Variants in GTF3C1 observed in about 807,000 individuals in gnomAD.
GTF3C1 encodes general transcription factor 3C polypeptide 1.
In GTF3C1, 57 loss-of-function variants were observed where a neutral mutation model predicts 226.7. The observed-to-expected ratio is 0.25, with a 90% CI of 0.20 to 0.31. The LOEUF (loss-of-function observed/expected upper bound fraction) is 0.31, where lower values mean the gene tolerates loss of function less well. Ranked by LOEUF, GTF3C1 falls within the 10% of genes least tolerant of loss-of-function variation. GTF3C1 has a pLI of 1.00. For synonymous variants in GTF3C1, 1,090 were observed against 1,084.8 expected, an observed-to-expected ratio of 1.00 and a Z score of -0.09; for missense variants, 2,217 against 2,776.1, an observed-to-expected ratio of 0.80 and a Z score of 4.53.
In GTF3C1 at chr16:27,541,653, C is replaced by A. The variant is rs544160118; in HGVS notation, c.432-3297G>T. On this transcript the variant is annotated intron_variant, in intron 2 of 36. Coordinates refer to ENST00000356183, the MANE Select transcript of GTF3C1 (RefSeq NM_001520.4). ...TCAGGTTGAAGTCTGAATGATGTGG[C>A]GACGTGAAGATTTGTGGACAGAATA... is the stretch of plus-strand genomic sequence containing the variant. Among the ~76,000 whole-genome samples, 6 of 152,198 alleles carry A rather than the reference C, an allele frequency of 3.9e-5. No homozygotes were observed. In the East Asian group the frequency reaches 9.6e-4, roughly 24 times the overall value.
At chr16:27,465,011 C>T (rs118005982) in intron 33 of GTF3C1, among the ~76,000 whole-genome samples, 175 bp from the exon 34 acceptor site, 3,621 of 152,314 alleles carry the variant, frequency 0.024, 74 homozygotes, top group Middle Eastern at 0.071. Context: ...AGCCCTGTGC[C>T]CTGGAGCAGC....
rs144211304 is a variant in GTF3C1, at chr16:27,475,299, G to A, written c.4353+1152C>T. Reference sequence around the variant, plus strand: ...AAGATCTCTCTGTGGACTGTGAGGCGCCCTAATGATCGGGTCCTCACCCAT... The same window carrying A: ...AAGATCTCTCTGTGGACTGTGAGGCACCCTAATGATCGGGTCCTCACCCAT... On this transcript the variant is annotated intron_variant, in intron 29 of 36. Coordinates refer to ENST00000356183, the MANE Select transcript of GTF3C1 (RefSeq NM_001520.4). Among the ~76,000 whole-genome samples the A allele has an allele frequency of 1.2e-4, 19 of 152,322 alleles. No homozygotes were observed. The East Asian group carries it at 2.5e-3, about 20-fold the overall frequency.
intron 7 of GTF3C1, 148 bp downstream of exon 7, chr16:27,511,601 T>A: frequency 1.3e-6 from 1 of 744,510 alleles, no homozygotes. Context: ...CAATCTGACC[T>A]TGAAGCCTAA....
At chr16:27,481,327 T>G (rs1197186174) in intron 26 of GTF3C1, 136 bp from the exon 27 acceptor site, 16 of 691,656 alleles carry the variant, frequency 2.3e-5, no homozygotes, top group East Asian at 1.9e-4. Flanking sequence ...GTGCCTCCCC[T>G]GGTCACCTGT....
rs1311147010 is a variant in GTF3C1 at position 27,549,670 on chromosome 16, C to G, written c.221G>C (p.Arg74Pro). 6.5e-7 allele frequency: 1 copy of G among 1,536,632 alleles called. No individual in the cohort carries two copies. Among genetic ancestry groups the G allele is most frequent in the South Asian group, 1.2e-5 (1 of 84,940 alleles). The change falls in exon 1 of 37, where the codon CGG (arginine) becomes CCG (proline). Residue 74 changes from arginine to proline, a missense_variant and splice_region_variant. By Grantham distance (103) the Arg-to-Pro change is moderately radical. Around this residue, in one of 12 missense-constraint regions of GTF3C1, gnomAD observed 192 missense variants for 251.8 expected, o/e 0.76. Transcript: ENST00000356183. ...RERPDLQLQD[R>P]YEEIDLETGI... ...CCGCCAGGCCAGGCCGCCCGCTGAC[C>G]GGTCCTGGAGCTGTAGGTCGGGTCG...
intron 16 of GTF3C1, among the ~76,000 whole-genome samples, chr16:27,494,398 CTCA>C (rs2088280756): frequency 7.1e-6 from 1 of 141,220 alleles, no homozygotes. Flanking sequence ...AAGACTCTGT[CTCA>C]TAAAAAAAAA....
At chr16:27,529,847 G>A (rs908591604) in intron 5 of GTF3C1, among the ~76,000 whole-genome samples, 3 of 152,216 alleles carry the variant, frequency 2.0e-5, no homozygotes, top group African/African-American at 7.2e-5. Flanking sequence ...CTCCAACAAT[G>A]AAACTGAACG....
chr16:27,533,024 C>T lies in GTF3C1; in HGVS notation c.849+267G>A, dbSNP rs535707167. On this transcript the variant is annotated intron_variant, in intron 5 of 36. Transcript: ENST00000356183. The stretch of plus-strand genomic sequence containing the variant: ...GCGGGCACCTGTAATCCCAGCTACT[C>T]GGGAGGCTGAGGCAGGAGAATCGCT... Among the ~76,000 whole-genome samples, 116 of 152,036 alleles carry T rather than the reference C, an allele frequency of 7.6e-4. 3 individuals carry two copies. The highest frequency in any genetic ancestry group is 7.3e-3 in the Admixed American group (111 of 15,252).
chr16:27,549,642 CGCCCGCCAG>C lies in GTF3C1; in HGVS notation c.221+19_221+27del. On this transcript the variant is annotated intron_variant, in intron 1 of 36. Transcript: ENST00000356183. Reference sequence around the variant, plus strand: ...CCCCCGGGCCCTGCGCCCGCCCGCCCGCCCGCCAGGCCAGGCCGCCCGCTGACCGGTCCT... The same window carrying C: ...CCCCCGGGCCCTGCGCCCGCCCGCCCGCCAGGCCGCCCGCTGACCGGTCCT... 4.8e-6 allele frequency: 5 copies of C among 1,036,300 alleles called. No homozygotes were observed. Among genetic ancestry groups the C allele is most frequent in the Non-Finnish European group, 7.2e-6 (5 of 697,954 alleles). The allele number at this position is 1,036,300 out of a possible 1,614,324, so 64.2% of individuals were successfully genotyped here. A position where few individuals can be genotyped will look rare whatever the true frequency, so the allele number is the denominator to read the frequency against.
chr16:27,541,704 A>G (rs1022807098), intron 2 of GTF3C1, among the ~76,000 whole-genome samples: 6 of 152,184 alleles, frequency 3.9e-5, no homozygotes, highest in Non-Finnish European at 8.8e-5. Flanking sequence ...CAGCACGAGG[A>G]TTGCCTTGAG....
chr16:27,473,640 C>T (rs1197239069), intron 29 of GTF3C1, among the ~76,000 whole-genome samples: 1 of 152,254 alleles, frequency 6.6e-6, no homozygotes, highest in African/African-American at 2.4e-5. Flanking sequence ...ACCTTCCTTC[C>T]AGTGGAGGGA....
rs753420188 is a variant in GTF3C1 at position 27,545,325 on chromosome 16, T to G, written c.420A>C (p.Glu140Asp). ...KSLQPRCTMV[E>D]AFDRWGKKLI... ...TGCAAAATAGTTACCTGTCAAAGGC[T>G]TCCACCATTGTACAGCGAGGCTGCA... Residue 140 changes from glutamate (E) to aspartate (D), a missense_variant, in exon 2 of 37, where the codon GAA (glutamate) becomes GAC (aspartate). Transcript: ENST00000356183. 5.0e-6 allele frequency: 8 copies of G among 1,612,066 alleles called. No homozygotes were observed. The East Asian group carries it at 8.9e-5, about 18-fold the overall frequency.
chr16:27,503,786 T>C lies in GTF3C1; in HGVS notation c.1771-791A>G, dbSNP rs556352210. ...CTCTAATACACATCTTGTGAATCAC[T>C]GGACCCAAGTCAATGCCTTATGGTA... On this transcript the variant is annotated intron_variant, in intron 10 of 36. Coordinates refer to ENST00000356183, the MANE Select transcript of GTF3C1 (RefSeq NM_001520.4). 2.6e-5 allele frequency among the ~76,000 whole-genome samples: 4 copies of C among 152,362 alleles called. No individual in the cohort carries two copies. The South Asian group carries it at 8.3e-4, about 32-fold the overall frequency.
Position 27,525,022 on chromosome 16 carries a change from C to T in GTF3C1, c.973+3576G>A, listed in dbSNP as rs777691368. The stretch of plus-strand genomic sequence containing the variant: ...TACAAAAATTAGCTGGGTGTGGTGG[C>T]GCACGCCTGTAATCTCTACTTGGGA... On this transcript the variant is annotated intron_variant, in intron 6 of 36. Coordinates refer to ENST00000356183, the MANE Select transcript of GTF3C1 (RefSeq NM_001520.4). 9.9e-5 allele frequency among the ~76,000 whole-genome samples: 15 copies of T among 151,972 alleles called. No homozygotes were observed. In the East Asian group the frequency reaches 1.5e-3, roughly 16 times the overall value.
At chr16:27,495,909 G>A (rs749088612) in intron 14 of GTF3C1, among the ~76,000 whole-genome samples, 12 of 152,194 alleles carry the variant, frequency 7.9e-5, no homozygotes, top group East Asian at 3.8e-4. Flanking sequence ...GAAGCAGAGT[G>A]CAGCACCTGC....
chr16:27,492,481 A>G lies in GTF3C1; in HGVS notation c.3008T>C (p.Val1003Ala), dbSNP rs541463517. ...FIFLKKNAVIVDTTICDPHYN... is the reference protein window; with the variant it reads ...FIFLKKNAVIADTTICDPHYN... ...ATGTGGGTCGCAGATGGTAGTGTCA[A>G]CAATGACTGCATTCTTCTTCAAGAA... The change falls in exon 19 of 37, where the codon GTT becomes GCT. Residue 1003 changes from valine to alanine, a missense_variant. By Grantham distance (64) the Val-to-Ala change is moderately conservative. Transcript: ENST00000356183. The surrounding 1 kb of genome is among the most constrained non-coding windows in gnomAD (Gnocchi z 5.0). 6.2e-7 allele frequency: 1 copy of G among 1,613,824 alleles called. No homozygotes were observed. Among genetic ancestry groups the G allele is most frequent in the African/African-American group, 1.3e-5 (1 of 75,052 alleles).
intron 1 of GTF3C1, 45 bp from the exon 2 acceptor site, chr16:27,545,568 T>C: frequency 9.0e-7 from 1 of 1,109,164 alleles, no homozygotes; most frequent in Non-Finnish European, 1.4e-6. Flanking sequence ...CAGCTTCAGA[T>C]ATAATGTGTG....
At chr16:27,472,572 A>G (rs1012414166) in intron 29 of GTF3C1, among the ~76,000 whole-genome samples, 6 of 152,216 alleles carry the variant, frequency 3.9e-5, no homozygotes, top group Admixed American at 6.5e-5. Context: ...AAGGAGCCTG[A>G]TAAGTGGGAC....
rs750920671 is a variant in GTF3C1 at position 27,492,465 on chromosome 16, G to A, written c.3024C>T (p.Cys1008=). 1.4e-5 allele frequency: 23 copies of A among 1,612,868 alleles called. No individual in the cohort carries two copies. The highest frequency in any genetic ancestry group is 2.2e-5 in the East Asian group (1 of 44,898). ...KNAVIVDTTI[C]DPHYNLARSS... ...TGCGGGCCAGGTTGTAATGTGGGTC[G>A]CAGATGGTAGTGTCAACAATGACTG... is the stretch of plus-strand genomic sequence containing the variant. The change falls in exon 19 of 37, where the codon TGC becomes TGT. Residue 1008 remains cysteine (C), a synonymous_variant. Coordinates refer to ENST00000356183, the MANE Select transcript of GTF3C1 (RefSeq NM_001520.4). This position sits in a 1 kb window ranked among gnomAD's most constrained non-coding sequence, Gnocchi z 5.0.
Sources: gnomAD v4.1 joint callset for allele counts (sites outside exome capture counted in the v4.1 genomes callset) on GRCh38, gnomAD v4.1.1 for gene constraint, gnomAD v4.1.1 regional missense constraint, Gnocchi (gnomAD v3.1) non-coding constraint, MANE v1.5 for transcripts, NCBI Gene and HGNC (gene_info 2026-07-23, HGNC 2026-07-21) for gene names.